The following SEC23A variants were observed in gnomAD, a reference collection of about 807,000 sequenced individuals.
The protein encoded by SEC23A is SEC23 homolog A, COPII component, also known as protein transport protein Sec23A.
In SEC23A, 56 loss-of-function variants were observed where a neutral mutation model predicts 103.7. The observed-to-expected ratio is 0.54, with a 90% confidence interval of 0.44 to 0.67. The LOEUF (loss-of-function observed/expected upper bound fraction) is 0.67. Ranked by LOEUF, SEC23A falls within the 30% of genes least tolerant of loss-of-function variation. The pLI is 0.00. For missense variants in SEC23A, 784 were observed against 936.4 expected, an observed-to-expected ratio of 0.84 and a Z score of 2.12; for synonymous variants, 281 against 293.0, an observed-to-expected ratio of 0.96 and a Z score of 0.42.
chr14:39,089,165 CAAAAAAAAAAA>C (rs58732430), intron 5 of SEC23A, among the ~76,000 whole-genome samples: 4 of 69,358 alleles, frequency 5.8e-5, no homozygotes, highest in African/African-American at 1.0e-4. Flanking sequence ...GACTCCGTGT[CAAAAAAAAAAA>C]AAAAAAGAAA....
At chr14:39,063,228 C>T in intron 12 of SEC23A, 96 bp downstream of exon 12, 2 of 762,140 alleles carry the variant, frequency 2.6e-6, no homozygotes, top group Admixed American at 4.1e-5. Context: ...GTTATATCTA[C>T]TATAGGAAAA....
At chr14:39,069,611 C>T (rs1214066689) in intron 9 of SEC23A, among the ~76,000 whole-genome samples, 2 of 151,950 alleles carry the variant, frequency 1.3e-5, no homozygotes, top group East Asian at 3.9e-4. Flanking sequence ...AGGCGCACAC[C>T]ACCATGCCCA....
chr14:39,067,359 C>T (rs894050203), intron 9 of SEC23A, 63 bp from the exon 10 acceptor site: 2 of 1,587,352 alleles, frequency 1.3e-6, no homozygotes, highest in Non-Finnish European at 1.7e-6. Flanking sequence ...GTGTTAAAAT[C>T]GTAGAAGAAA....
intron 7 of SEC23A, among the ~76,000 whole-genome samples, chr14:39,078,378 C>T (rs970096688): frequency 1.3e-5 from 2 of 152,138 alleles, no homozygotes; most frequent in African/African-American, 4.8e-5. Context: ...CGAAACACAT[C>T]ACAGATATCA....
intron 14 of SEC23A, among the ~76,000 whole-genome samples, chr14:39,049,693 G>A (rs1421376822): frequency 6.6e-6 from 1 of 151,826 alleles, no homozygotes; most frequent in Non-Finnish European, 1.5e-5. Context: ...TAGGAGGATT[G>A]CTTGAGCCTA....
chr14:39,092,668 G>C (rs1887700990), intron 3 of SEC23A, 41 bp from the exon 4 acceptor site: 2 of 1,142,556 alleles, frequency 1.8e-6, no homozygotes, highest in Admixed American at 1.8e-5. Flanking sequence ...ACAAATTATA[G>C]GCTAGAAAGA....
At chr14:39,080,428 A>C (rs868626527) in intron 7 of SEC23A, among the ~76,000 whole-genome samples, 5 of 152,330 alleles carry the variant, frequency 3.3e-5, no homozygotes, top group Middle Eastern at 3.4e-3. Flanking sequence ...TTCTTTTGAG[A>C]CAGAGTCTTG....
chr14:39,054,584 G>A (rs940436690), intron 14 of SEC23A, among the ~76,000 whole-genome samples: 18 of 151,874 alleles, frequency 1.2e-4, no homozygotes, highest in East Asian at 5.8e-4. Context: ...TGATCCTCCC[G>A]CCTCAGCCTC....
chr14:39,102,917 AG>A, intron 1 of SEC23A, 114 bp downstream of exon 1: 2 of 152,678 alleles, frequency 1.3e-5, no homozygotes, highest in East Asian at 3.9e-4. Flanking sequence ...ACCGGGCCTC[AG>A]CCTCCAGCAC....
At chr14:39,055,074 T>A in intron 14 of SEC23A, 69 bp downstream of exon 14, 1 of 1,578,620 alleles carries the variant, frequency 6.3e-7, no homozygotes, top group Non-Finnish European at 8.7e-7. Flanking sequence ...TGAAAGAGAT[T>A]ATCTGCAACA....
intron 11 of SEC23A, among the ~76,000 whole-genome samples, chr14:39,064,190 G>A (rs1445656462): frequency 6.6e-6 from 1 of 151,968 alleles, no homozygotes; most frequent in African/African-American, 2.4e-5. Context: ...CATAGATATA[G>A]ACAGACCTTT....
Position 39,065,031 on chromosome 14 carries a change from AGATAC to A in SEC23A, c.1228-43_1228-39del, listed in dbSNP as rs1886611117. On this transcript the variant is annotated intron_variant, in intron 10 of 19. Coordinates refer to ENST00000307712, the MANE Select transcript of SEC23A (RefSeq NM_006364.4). The stretch of plus-strand genomic sequence containing the variant: ...AATACAGCATGTTCGGTTTCCTCAA[AGATAC>A]GTTCAAATGTTCAACTACAGGTGTA... 10 of 1,318,448 alleles carry A rather than the reference AGATAC, an allele frequency of 7.6e-6. No homozygotes were observed. In the East Asian group the frequency reaches 2.3e-4, roughly 30 times the overall value. The allele number at this position is 1,318,448 out of a possible 1,614,324, so 81.7% of individuals were successfully genotyped here. A position where few individuals can be genotyped will look rare whatever the true frequency, so the allele number is the denominator to read the frequency against.
At chr14:39,080,557 C>T (rs1887189991) in intron 7 of SEC23A, among the ~76,000 whole-genome samples, 1 of 152,182 alleles carries the variant, frequency 6.6e-6, no homozygotes, top group South Asian at 2.1e-4. Flanking sequence ...AGGCGTGTGC[C>T]ACCGCCCCCG....
At chr14:39,064,236 C>CT (rs753851233) in intron 11 of SEC23A, among the ~76,000 whole-genome samples, 1 of 152,060 alleles carries the variant, frequency 6.6e-6, no homozygotes, top group African/African-American at 2.4e-5. Context: ...AATTTTTTAG[C>CT]TTTGTCATTT....
chr14:39,096,218 C>A, intron 1 of SEC23A, 79 bp from the exon 2 acceptor site: 1 of 938,802 alleles, frequency 1.1e-6, no homozygotes, highest in Non-Finnish European at 1.7e-6. Flanking sequence ...TCCCCTCATT[C>A]AGCAATATTA....
chr14:39,096,278 C>G, intron 1 of SEC23A, 139 bp from the exon 2 acceptor site: 1 of 639,848 alleles, frequency 1.6e-6, no homozygotes, highest in Non-Finnish European at 2.7e-6. Flanking sequence ...CGCCGGTAAT[C>G]CCAGCACTTT....
intron 7 of SEC23A, among the ~76,000 whole-genome samples, chr14:39,077,590 G>GAA (rs1354986117): frequency 2.0e-5 from 3 of 151,330 alleles, no homozygotes; most frequent in African/African-American, 7.3e-5. Flanking sequence ...GAGAGAGAGA[G>GAA]AAAAAAAAGT....
intron 19 of SEC23A, among the ~76,000 whole-genome samples, chr14:39,036,320 C>CAAAAAAAA (rs59018206): frequency 1.0e-4 from 7 of 69,896 alleles, no homozygotes; most frequent in East Asian, 4.0e-4. Context: ...GACTCCGTCT[C>CAAAAAAAA]AAAAAAAAAA....
At chr14:39,080,813 T>C (rs1887201116) in intron 7 of SEC23A, among the ~76,000 whole-genome samples, 1 of 151,974 alleles carries the variant, frequency 6.6e-6, no homozygotes, top group Admixed American at 6.6e-5. Context: ...AAAAAATACA[T>C]ATAAAGAGGG....
Sources: gnomAD v4.1 joint callset for allele counts (sites outside exome capture counted in the v4.1 genomes callset) on GRCh38, gnomAD v4.1.1 for gene constraint, MANE v1.5 for transcripts, NCBI Gene and HGNC (gene_info 2026-07-23, HGNC 2026-07-21) for gene names.